LHX8: variants seen among roughly 807,000 people sequenced by gnomAD.
The protein encoded by LHX8 is LIM homeobox 8.
A neutral mutation model predicts 40.3 loss-of-function variants in LHX8; 12 were observed. The observed-to-expected ratio is 0.30, with a 90% CI of 0.19 to 0.48. The LOEUF (loss-of-function observed/expected upper bound fraction) is 0.48. Among genes scored for constraint, LHX8 ranks in the 20% least tolerant of loss-of-function variants. The pLI is 0.99. For missense variants in LHX8, 344 were observed against 433.7 expected (o/e 0.79, Z 1.84); for synonymous variants, 179 against 162.0 (o/e 1.10, Z -0.80).
At chr1:75,177,727 G>C in the LHX8 span, among the ~76,000 whole-genome samples, 2 of 152,192 alleles carry the variant, frequency 1.3e-5, no homozygotes, top group Non-Finnish European at 2.9e-5. Flanking sequence ...TAGGAGTGGT[G>C]AGAGAGGGCA....
chr1:75,178,418 G>A, the LHX8 span, among the ~76,000 whole-genome samples: 1 of 152,140 alleles, frequency 6.6e-6, no homozygotes, highest in East Asian at 1.9e-4. Flanking sequence ...TATGTGTCCA[G>A]GAATTTATCC....
chr1:75,154,537 C>T (rs997898128), intron 7 of LHX8, among the ~76,000 whole-genome samples: 3 of 151,988 alleles, frequency 2.0e-5, no homozygotes, highest in African/African-American at 7.3e-5. Context: ...ATATGTAGTC[C>T]TCTGGCGTAT....
At chr1:75,166,853 T>C in the LHX8 span, among the ~76,000 whole-genome samples, 1 of 152,186 alleles carries the variant, frequency 6.6e-6, no homozygotes, top group Admixed American at 6.5e-5. Context: ...TCCAATCCTA[T>C]AATGGGCTTC....
At chr1:75,180,529 T>G in the LHX8 span, among the ~76,000 whole-genome samples, 1 of 152,196 alleles carries the variant, frequency 6.6e-6, no homozygotes, top group African/African-American at 2.4e-5. Context: ...ATGCCATGGT[T>G]TTCAGCTCCA....
chr1:75,171,446 A>G, the LHX8 span, among the ~76,000 whole-genome samples: 1 of 151,778 alleles, frequency 6.6e-6, no homozygotes, highest in South Asian at 2.1e-4. Context: ...ATTATTTAGT[A>G]TATTTTCTCT....
chr1:75,191,289 G>A, the LHX8 span, among the ~76,000 whole-genome samples: 1 of 152,074 alleles, frequency 6.6e-6, no homozygotes, highest in African/African-American at 2.4e-5. Context: ...GACTTGGTCA[G>A]ACGTGTGGAA....
chr1:75,188,341 C>G, the LHX8 span, among the ~76,000 whole-genome samples: 1 of 152,256 alleles, frequency 6.6e-6, no homozygotes, highest in African/African-American at 2.4e-5. Context: ...GTTGCTCATC[C>G]AACAAACAAA....
the LHX8 span, among the ~76,000 whole-genome samples, chr1:75,188,368 A>T: frequency 2.6e-5 from 4 of 152,170 alleles, no homozygotes; most frequent in East Asian, 7.7e-4. Flanking sequence ...TTATGTTCAG[A>T]TGAAATATAC....
chr1:75,185,058 A>G, the LHX8 span, among the ~76,000 whole-genome samples: 2 of 152,098 alleles, frequency 1.3e-5, no homozygotes, highest in African/African-American at 4.8e-5. Flanking sequence ...AACCAGGAAG[A>G]AATTGATTCC....
At chr1:75,137,029 C>A in intron 2 of LHX8, 71 bp from the exon 3 acceptor site, 1 of 1,511,808 alleles carries the variant, frequency 6.6e-7, no homozygotes, top group Non-Finnish European at 8.9e-7. Context: ...GGTGGGGGCG[C>A]CCTTGTGGGT....
Position 75,161,041 on chromosome 1 carries a change from T to C in LHX8, c.*146T>C. 1 of 644,166 alleles carries C rather than the reference T, an allele frequency of 1.6e-6. No individual in the cohort carries two copies. The highest frequency in any genetic ancestry group is 2.8e-6 in the Non-Finnish European group (1 of 363,230). 39.9% of individuals were successfully genotyped at this position (644,166 alleles called of 1,614,324 possible). A position where few individuals can be genotyped will look rare whatever the true frequency, so the allele number is the denominator to read the frequency against. ...ACTTTGCTGCCCAGGTATGTATCTA[T>C]AGTTGGCCTGCAAGACACTTTTATT... On this transcript the variant is annotated 3_prime_UTR_variant, in exon 9 of 9. Transcript: ENST00000356261.
chr1:75,147,702 T>G (rs1163624187), intron 6 of LHX8, among the ~76,000 whole-genome samples: 2 of 152,226 alleles, frequency 1.3e-5, no homozygotes, highest in Non-Finnish European at 2.9e-5. Context: ...TTTTACATTT[T>G]GTAATGCTTC....
chr1:75,141,474 G>A (rs1421221639), intron 4 of LHX8, among the ~76,000 whole-genome samples: 1 of 152,060 alleles, frequency 6.6e-6, no homozygotes, highest in Non-Finnish European at 1.5e-5. Context: ...AAATCATTAT[G>A]GGGGAGAAAA....
chr1:75,172,022 T>C, the LHX8 span, among the ~76,000 whole-genome samples: 1 of 152,176 alleles, frequency 6.6e-6, no homozygotes, highest in Admixed American at 6.5e-5. Context: ...GCAAAGAGAT[T>C]TGCACAGCAG....
intron 7 of LHX8, among the ~76,000 whole-genome samples, chr1:75,156,586 C>T (rs1039799355): frequency 3.9e-5 from 6 of 152,240 alleles, no homozygotes; most frequent in South Asian, 2.1e-4. Flanking sequence ...GTAACCTTAA[C>T]GTTTGACCAA....
chr1:75,147,572 G>A (rs1224100923), intron 6 of LHX8, among the ~76,000 whole-genome samples: 1 of 152,270 alleles, frequency 6.6e-6, no homozygotes, highest in African/African-American at 2.4e-5. Context: ...GCTGAAAAGA[G>A]TGAAGTCCAG....
At chr1:75,160,072 C>G (rs1219508789) in intron 8 of LHX8, 1 of 152,034 alleles carries the variant, frequency 6.6e-6, no homozygotes, top group Non-Finnish European at 1.5e-5. Context: ...ACTTCTTGGC[C>G]TATCAGACAT....
At chr1:75,165,045 G>A (rs1649003608), downstream of LHX8, among the ~76,000 whole-genome samples, 1 of 151,974 alleles carries the variant, frequency 6.6e-6, no homozygotes, top group African/African-American at 2.4e-5. Flanking sequence ...TTTGCCTTTA[G>A]TTATTCTGCA....
intron 8 of LHX8, among the ~76,000 whole-genome samples, chr1:75,158,787 A>G (rs555188834): frequency 4.4e-4 from 67 of 152,162 alleles, no homozygotes; most frequent in African/African-American, 1.5e-3. Flanking sequence ...ATGTGTTTCT[A>G]TTTTGTTGTT....
Sources: gnomAD v4.1 joint callset for allele counts (sites outside exome capture counted in the v4.1 genomes callset) on GRCh38, gnomAD v4.1.1 for gene constraint, MANE v1.5 for transcripts, NCBI Gene and HGNC (gene_info 2026-07-23, HGNC 2026-07-21) for gene names.